The following PABPC4L variants were observed in gnomAD, a reference collection of about 807,000 sequenced individuals.
The protein encoded by PABPC4L is polyadenylate-binding protein 4-like.
For synonymous variants in PABPC4L, 169 were observed against 164.1 expected, an observed-to-expected ratio of 1.03 and a Z score of -0.23; for missense variants, 452 against 451.4, an observed-to-expected ratio of 1.00 and a Z score of -0.01.
At chr4:134,062,505 A>C in the PABPC4L span, among the ~76,000 whole-genome samples, 1 of 151,408 alleles carries the variant, frequency 6.6e-6, no homozygotes, top group African/African-American at 2.4e-5. Context: ...GCTAGCATGT[A>C]AAAAAAAATC....
the PABPC4L span, among the ~76,000 whole-genome samples, chr4:134,019,072 G>A: frequency 5.3e-5 from 8 of 152,214 alleles, no homozygotes; most frequent in East Asian, 1.3e-3. Flanking sequence ...TGTTTCAAAT[G>A]CAAGTATCCT....
chr4:134,004,933 T>C, the PABPC4L span, among the ~76,000 whole-genome samples: 2,428 of 151,862 alleles, frequency 0.016, 72 homozygotes, highest in Admixed American at 0.077. Context: ...GAAAGTACAT[T>C]GGTGGTTGTA....
the PABPC4L span, among the ~76,000 whole-genome samples, chr4:134,165,368 A>T: frequency 1.3e-5 from 2 of 152,152 alleles, no homozygotes; most frequent in Non-Finnish European, 2.9e-5. Flanking sequence ...GGGAGAAAAT[A>T]TTTGCAAACT....
the PABPC4L span, among the ~76,000 whole-genome samples, chr4:133,960,779 T>C: frequency 2.6e-5 from 4 of 152,038 alleles, no homozygotes. Flanking sequence ...GGGTGATGCC[T>C]GTGACTGTGG....
At chr4:134,089,963 T>A in the PABPC4L span, among the ~76,000 whole-genome samples, 2 of 152,062 alleles carry the variant, frequency 1.3e-5, no homozygotes, top group Non-Finnish European at 2.9e-5. Context: ...CATGACAATA[T>A]TGAAATCAAT....
At chr4:133,956,433 T>A in the PABPC4L span, among the ~76,000 whole-genome samples, 1 of 152,202 alleles carries the variant, frequency 6.6e-6, no homozygotes, top group East Asian at 1.9e-4. Flanking sequence ...AATTTGATGC[T>A]GTTTTTTTCT....
chr4:133,978,100 T>C, the PABPC4L span: 1 of 152,168 alleles, frequency 6.6e-6, no homozygotes. Context: ...ATGAATGACA[T>C]CATTGATCTA....
the PABPC4L span, among the ~76,000 whole-genome samples, chr4:134,113,365 G>C: frequency 6.6e-6 from 1 of 151,852 alleles, no homozygotes; most frequent in African/African-American, 2.4e-5. Flanking sequence ...ACGTATACAG[G>C]TATACCATTA....
At chr4:133,953,148 A>G in the PABPC4L span, among the ~76,000 whole-genome samples, 9 of 152,124 alleles carry the variant, frequency 5.9e-5, no homozygotes, top group Non-Finnish European at 1.2e-4. Flanking sequence ...TTTCCATTCC[A>G]GACATTCTCT....
chr4:134,004,083 A>G, the PABPC4L span, among the ~76,000 whole-genome samples: 1 of 151,910 alleles, frequency 6.6e-6, no homozygotes, highest in African/African-American at 2.4e-5. Context: ...TGGTTTACGC[A>G]ATGATTTTTT....
the PABPC4L span, among the ~76,000 whole-genome samples, chr4:134,080,378 C>T: frequency 3.3e-5 from 5 of 152,154 alleles, no homozygotes; most frequent in African/African-American, 9.7e-5. Context: ...TTGCATTTGG[C>T]ACTTTATCCA....
chr4:134,191,197 C>T, the PABPC4L span, among the ~76,000 whole-genome samples: 2 of 152,084 alleles, frequency 1.3e-5, no homozygotes, highest in Non-Finnish European at 2.9e-5. Context: ...CAGTTGTTTT[C>T]TCTTGATTCT....
the PABPC4L span, among the ~76,000 whole-genome samples, chr4:134,151,705 T>A: frequency 1.3e-5 from 2 of 151,974 alleles, no homozygotes; most frequent in African/African-American, 4.8e-5. Flanking sequence ...TAACTATTAG[T>A]GGGGACACAT....
chr4:134,048,665 A>G, the PABPC4L span, among the ~76,000 whole-genome samples: 2 of 152,124 alleles, frequency 1.3e-5, no homozygotes, highest in African/African-American at 4.8e-5. Flanking sequence ...ATATAGTAGT[A>G]ATGATCATTC....
chr4:134,059,301 G>C, the PABPC4L span, among the ~76,000 whole-genome samples: 6 of 150,310 alleles, frequency 4.0e-5, no homozygotes, highest in Non-Finnish European at 8.9e-5. Context: ...GGAAAGTTGA[G>C]TAAAGTCTTA....
At chr4:134,098,110 T>C in the PABPC4L span, among the ~76,000 whole-genome samples, 1 of 151,842 alleles carries the variant, frequency 6.6e-6, no homozygotes, top group East Asian at 1.9e-4. Context: ...ACATATTTCA[T>C]ACTATTTATA....
chr4:134,003,718 C>T, the PABPC4L span, among the ~76,000 whole-genome samples: 79 of 151,848 alleles, frequency 5.2e-4, no homozygotes, highest in Non-Finnish European at 9.6e-4. Flanking sequence ...TACTTGTAAC[C>T]GTCAATGACA....
the PABPC4L span, among the ~76,000 whole-genome samples, chr4:134,080,316 T>A: frequency 5.3e-5 from 8 of 152,178 alleles, no homozygotes; most frequent in Non-Finnish European, 1.2e-4. Context: ...AGATATCACC[T>A]TATACAGCTT....
At chr4:134,057,462 C>T in the PABPC4L span, among the ~76,000 whole-genome samples, 4 of 152,106 alleles carry the variant, frequency 2.6e-5, no homozygotes, top group South Asian at 6.2e-4. Flanking sequence ...CTGACATCAT[C>T]CCATTGGTGA....
Sources: allele counts gnomAD v4.1 joint callset (sites outside exome capture counted in the v4.1 genomes callset), GRCh38; gene constraint gnomAD v4.1.1; transcripts MANE v1.5; gene names NCBI Gene and HGNC (gene_info 2026-07-23, HGNC 2026-07-21).